RBFOX1: variants seen among roughly 807,000 people sequenced by gnomAD.
RBFOX1 encodes the protein RNA binding protein fox-1 homolog 1.
A neutral mutation model predicts 57.7 loss-of-function variants in RBFOX1; 8 were observed. The ratio of observed to expected loss-of-function variants is 0.14; its 90% CI spans 0.08 to 0.25. The LOEUF is 0.25. RBFOX1 is among the 10% of genes least tolerant of loss of function. The pLI, the probability that RBFOX1 is intolerant of heterozygous loss-of-function variation, is 1.00. For synonymous variants in RBFOX1, 326 were observed against 222.4 expected, an observed-to-expected ratio of 1.47 and a Z score of -4.15; for missense variants, 611 against 548.5, an observed-to-expected ratio of 1.11 and a Z score of -1.14.
chr16:5,964,800 C>T (rs560736715), intron 4 of RBFOX1, among the ~76,000 whole-genome samples: 5 of 151,564 alleles, frequency 3.3e-5, no homozygotes, highest in Non-Finnish European at 7.4e-5. Flanking sequence ...CACATTGGTG[C>T]ATATATACAT....
At chr16:6,994,668 T>C (rs1286860878) in intron 3 of RBFOX1, among the ~76,000 whole-genome samples, 1 of 152,224 alleles carries the variant, frequency 6.6e-6, no homozygotes, top group Non-Finnish European at 1.5e-5. Flanking sequence ...TAATCTCTTT[T>C]ATGCCTCTCC....
At chr16:5,938,497 A>T (rs558830932) in intron 4 of RBFOX1, among the ~76,000 whole-genome samples, 2 of 152,174 alleles carry the variant, frequency 1.3e-5, no homozygotes, top group African/African-American at 4.8e-5. Flanking sequence ...GCAAGTTGCA[A>T]AATGTCCCCA....
At chr16:7,585,595 G>C (rs755274224) in intron 6 of RBFOX1, among the ~76,000 whole-genome samples, 1 of 152,100 alleles carries the variant, frequency 6.6e-6, no homozygotes, top group South Asian at 2.1e-4. Context: ...CCTGAGGAAC[G>C]GGCACATTTC....
At position 5,473,394 on chromosome 16, in the gene RBFOX1, T is replaced by C. The variant is rs1393522978; in HGVS notation, c.258+6140T>C. ...CCTCTTTTTAATTACTTTCTGTACT[T>C]ACCCTGTTTTTTTTTCTTTTTTTCT... On this transcript the variant is annotated intron_variant, in intron 2 of 2. Coordinates refer to the RBFOX1 transcript ENST00000585867. Among the ~76,000 whole-genome samples the C allele has an allele frequency of 3.3e-5, 5 of 152,042 alleles. No individual in the cohort carries two copies. The East Asian group carries it at 9.6e-4, about 29-fold the overall frequency.
At chr16:6,163,348 C>G (rs964422301) in intron 1 of RBFOX1, among the ~76,000 whole-genome samples, 9 of 152,156 alleles carry the variant, frequency 5.9e-5, no homozygotes, top group African/African-American at 1.2e-4. Flanking sequence ...CTTTTGGGAG[C>G]ATGTTAAAAC....
intron 2 of RBFOX1, among the ~76,000 whole-genome samples, chr16:6,639,170 G>C (rs754614509): frequency 5.9e-5 from 9 of 152,188 alleles, no homozygotes; most frequent in Non-Finnish European, 1.2e-4. Context: ...AATCATGTGC[G>C]CTAGCTCTGT....
intron 5 of RBFOX1, among the ~76,000 whole-genome samples, chr16:7,566,174 C>T (rs1219286215): frequency 6.6e-6 from 1 of 152,082 alleles, no homozygotes; most frequent in Non-Finnish European, 1.5e-5. Context: ...GATGCTTATT[C>T]TAATAAGAAA....
chr16:6,424,856 A>G (rs966847297), intron 2 of RBFOX1, among the ~76,000 whole-genome samples: 1 of 152,206 alleles, frequency 6.6e-6, no homozygotes, highest in African/African-American at 2.4e-5. Flanking sequence ...ATGCTATTAA[A>G]TGGAAACAAA....
At chr16:5,609,531 A>C (rs1381048688) in intron 3 of RBFOX1, among the ~76,000 whole-genome samples, 2 of 152,182 alleles carry the variant, frequency 1.3e-5, no homozygotes, top group Admixed American at 6.5e-5. Flanking sequence ...GAGTAGTGGC[A>C]GGTGTCAAGC....
chr16:5,464,200 T>C (rs1244557334), intron 1 of RBFOX1, among the ~76,000 whole-genome samples: 2 of 152,034 alleles, frequency 1.3e-5, no homozygotes, highest in Non-Finnish European at 2.9e-5. Flanking sequence ...GGGACACCCA[T>C]GTGGAGAGGC....
chr16:7,093,062 T>C (rs778610785), intron 4 of RBFOX1, among the ~76,000 whole-genome samples: 6 of 152,242 alleles, frequency 3.9e-5, no homozygotes, highest in Admixed American at 6.5e-5. Flanking sequence ...TCAGCATTTC[T>C]GTGTTTCCTA....
intron 3 of RBFOX1, among the ~76,000 whole-genome samples, chr16:6,718,167 G>T (rs1345725805): frequency 6.6e-6 from 1 of 152,134 alleles, no homozygotes; most frequent in Non-Finnish European, 1.5e-5. Flanking sequence ...CCCATCTTTT[G>T]CTTCCATTGT....
At chr16:6,763,453 T>A (rs554501208) in intron 3 of RBFOX1, among the ~76,000 whole-genome samples, 2 of 152,312 alleles carry the variant, frequency 1.3e-5, no homozygotes, top group South Asian at 4.1e-4. Context: ...ACCTGTCTTA[T>A]TCATGGATAT....
At chr16:7,678,873 T>C (rs1043967737) in intron 14 of RBFOX1, among the ~76,000 whole-genome samples, 2 of 152,202 alleles carry the variant, frequency 1.3e-5, no homozygotes, top group Non-Finnish European at 2.9e-5. Flanking sequence ...TGTTCTTGGA[T>C]TGGTGAATCT....
intron 1 of RBFOX1, among the ~76,000 whole-genome samples, chr16:6,187,872 C>A (rs2097115194): frequency 6.6e-6 from 1 of 152,148 alleles, no homozygotes; most frequent in African/African-American, 2.4e-5. Flanking sequence ...CTGTTTGGCA[C>A]ATGTGTTAAC....
intron 3 of RBFOX1, among the ~76,000 whole-genome samples, chr16:5,775,894 C>G (rs552353121): frequency 6.6e-6 from 1 of 152,178 alleles, no homozygotes; most frequent in Non-Finnish European, 1.5e-5. Context: ...CAATTGTTCT[C>G]CTTTTTTAAA....
intron 4 of RBFOX1, among the ~76,000 whole-genome samples, chr16:5,923,995 C>T (rs2058890645): frequency 6.6e-6 from 1 of 152,126 alleles, no homozygotes. Context: ...AAGGTCAGGA[C>T]AATGTGGAGG....
intron 4 of RBFOX1, among the ~76,000 whole-genome samples, chr16:7,504,749 A>AGTGAC (rs1567554329): frequency 6.4e-4 from 4 of 6,224 alleles, no homozygotes; most frequent in Non-Finnish European, 1.1e-3. Context: ...ATATATATAT[A>AGTGAC]TATATTTATA....
chr16:6,654,058 G>T (rs939827650), intron 2 of RBFOX1, among the ~76,000 whole-genome samples: 1 of 151,440 alleles, frequency 6.6e-6, no homozygotes, highest in Middle Eastern at 3.2e-3. Context: ...ATGGATAGGG[G>T]AAGGATGCAG....
Sources: allele counts gnomAD v4.1 joint callset (sites outside exome capture counted in the v4.1 genomes callset), GRCh38; gene constraint gnomAD v4.1.1; transcripts MANE v1.5; gene names NCBI Gene and HGNC (gene_info 2026-07-23, HGNC 2026-07-21).